Variants in MPO observed in about 807,000 individuals in gnomAD.
MPO encodes myeloperoxidase.
MPO carries 57 observed loss-of-function variants against 69.4 expected under a neutral mutation model. That is an observed-to-expected ratio of 0.82 (90% confidence interval 0.66 to 1.02). The LOEUF is 1.02. Ranked by LOEUF, MPO falls within the 50% of genes least tolerant of loss-of-function variation. MPO has a pLI of 0.00. For synonymous variants in MPO, 426 were observed against 417.1 expected (o/e 1.02, Z -0.26); for missense variants, 971 against 1,014.1 (o/e 0.96, Z 0.58).
rs759993953 is a variant in MPO at position 58,279,423 on chromosome 17, G to A, written c.552C>T (p.Arg184=). The A allele has an allele frequency of 1.2e-6, 2 of 1,610,396 alleles. No individual in the cohort carries two copies. The highest frequency in any genetic ancestry group is 1.1e-5 in the South Asian group (1 of 90,550). ...RTITGMCNNR[R]SPTLGASNRA... ...GGTTGGAGGCCCCCAGCGTGGGGCT[G>A]CGTCTGCAGGGGAGGACAGGGCGCT... Residue 184 remains arginine, a synonymous_variant, in exon 5 of 12, where the codon CGC becomes CGT. Coordinates refer to ENST00000225275, the MANE Select transcript of MPO (RefSeq NM_000250.2).
chr17:58,274,157 G>A, intron 8 of MPO: 1 of 496,466 alleles, frequency 2.0e-6, no homozygotes, highest in Non-Finnish European at 4.0e-6. Flanking sequence ...GTGGAAAGCA[G>A]GGAGGCAGGA....
At chr17:58,280,544 A>T in intron 1 of MPO, 61 bp downstream of exon 1, 1 of 1,613,854 alleles carries the variant, frequency 6.2e-7, no homozygotes. Flanking sequence ...CTCTGAGAAA[A>T]GGGGTCTCTG....
chr17:58,277,940 G>A lies in MPO; in HGVS notation c.1091C>T (p.Ala364Val), dbSNP rs370731850. Residue 364 changes from alanine (A) to valine (V), a missense_variant, in exon 7 of 12, where the codon GCC becomes GTC. By Grantham distance (64) the Ala-to-Val change is moderately conservative. Coordinates refer to ENST00000225275, the MANE Select transcript of MPO (RefSeq NM_000250.2). ...RNMSNQLGLL[A>V]VNQRFQDNGR... ...GTTGTCTTGGAAGCGCTGGTTGACG[G>A]CCAGCAGCCCCAGCTGGTTGGACAT... 6.2e-7 allele frequency: 1 copy of A among 1,613,100 alleles called. No homozygotes were observed.
intron 2 of MPO, 103 bp from the exon 3 acceptor site, chr17:58,280,117 C>T (rs1484893115): frequency 4.7e-6 from 7 of 1,476,000 alleles, no homozygotes; most frequent in African/African-American, 1.4e-5. Context: ...GGCAGGCCCA[C>T]GGGTGGGAGG....
chr17:58,278,144 A>C lies in MPO; in HGVS notation c.887T>G (p.Ile296Ser). 1.9e-6 allele frequency: 3 copies of C among 1,600,642 alleles called. No homozygotes were observed. Among genetic ancestry groups the C allele is most frequent in the Non-Finnish European group, 2.5e-6 (3 of 1,179,896 alleles). The change falls in exon 7 of 12, where the codon ATC (isoleucine) becomes AGC (serine). Residue 296 changes from isoleucine (I) to serine (S), a missense_variant and splice_region_variant. Transcript: ENST00000225275. ...VQQPPCFPLK[I>S]PPNDPRIKNQ... ...CTTGATGCGGGGGTCATTGGGCGGG[A>C]TCTGAGGCACAGAGAGAGGCTAGAC... is the stretch of plus-strand genomic sequence containing the variant.
intron 8 of MPO, 39 bp from the exon 9 acceptor site, chr17:58,273,708 C>T (rs752952392): frequency 6.2e-7 from 1 of 1,613,990 alleles, no homozygotes; most frequent in Non-Finnish European, 8.5e-7. Context: ...TCCACCCACT[C>T]CTCCACAGCA....
rs1437169502 is a variant in MPO, at chr17:58,270,939, TC to T, written c.2031-77del. ...CAGGGCATCGATGGGCTTGTGCTGC[TC>T]CCAGGATATAACAAAGCCACAACAA... On this transcript the variant is annotated intron_variant, in intron 11 of 11. Coordinates refer to ENST00000225275, the MANE Select transcript of MPO (RefSeq NM_000250.2). This position sits in a 1 kb window ranked among gnomAD's most constrained non-coding sequence, Gnocchi z 4.1. The T allele has an allele frequency of 3.9e-6, 6 of 1,529,272 alleles. No individual in the cohort carries two copies. The highest frequency in any genetic ancestry group is 5.4e-6 in the Non-Finnish European group (6 of 1,107,832). The allele number at this position is 1,529,272 out of a possible 1,614,324, so 94.7% of individuals were successfully genotyped here.
chr17:58,277,554 G>A (rs1408895820), intron 7 of MPO, among the ~76,000 whole-genome samples: 1 of 152,194 alleles, frequency 6.6e-6, no homozygotes, highest in Non-Finnish European at 1.5e-5. Flanking sequence ...AGGGAAAAAA[G>A]GGACAGAGAA....
chr17:58,278,155 A>G lies in MPO; in HGVS notation c.886-10T>C. 6.2e-7 allele frequency: 1 copy of G among 1,600,206 alleles called. No individual in the cohort carries two copies. The highest frequency in any genetic ancestry group is 8.5e-7 in the Non-Finnish European group (1 of 1,179,860). On this transcript the variant is annotated splice_polypyrimidine_tract_variant and intron_variant, in intron 6 of 11. Coordinates refer to ENST00000225275, the MANE Select transcript of MPO (RefSeq NM_000250.2). ...GGTCATTGGGCGGGATCTGAGGCAC[A>G]GAGAGAGGCTAGACTGGCTCACCGA...
In MPO at chr17:58,270,903, TTC is replaced by T; in HGVS notation, c.2031-42_2031-41del. The T allele has an allele frequency of 6.2e-7, 1 of 1,607,158 alleles. No individual in the cohort carries two copies. Among genetic ancestry groups the T allele is most frequent in the Non-Finnish European group, 8.5e-7 (1 of 1,175,352 alleles). ...CCCATGGACACTGTGCCCAAGGATA[TTC>T]TGGGCTGGCAGGGCATCGATGGGCT... On this transcript the variant is annotated intron_variant, in intron 11 of 11. Transcript: ENST00000225275. This position sits in a 1 kb window ranked among gnomAD's most constrained non-coding sequence, Gnocchi z 4.1.
At chr17:58,276,383 T>C (rs1800479503) in intron 7 of MPO, among the ~76,000 whole-genome samples, 1 of 151,944 alleles carries the variant, frequency 6.6e-6, no homozygotes, top group Non-Finnish European at 1.5e-5. Flanking sequence ...ATATGTGGAG[T>C]CCACACCTGA....
In MPO at chr17:58,275,494, G is replaced by T. The variant is rs775674004; in HGVS notation, c.1365+48C>A. On this transcript the variant is annotated intron_variant, in intron 8 of 11. Coordinates refer to ENST00000225275, the MANE Select transcript of MPO (RefSeq NM_000250.2). This position sits in a 1 kb window ranked among gnomAD's most constrained non-coding sequence, Gnocchi z 4.1. The stretch of plus-strand genomic sequence containing the variant: ...CCCAAGGTCACACAGCTAGGATGTT[G>T]CAGGGACACATCTGGATCCCGTGTG... 1.9e-5 allele frequency: 31 copies of T among 1,611,694 alleles called. No homozygotes were observed. The highest frequency in any genetic ancestry group is 4.0e-5 in the African/African-American group (3 of 74,888).
In MPO at chr17:58,277,808, T is replaced by A. The variant is rs1228663019; in HGVS notation, c.1204+19A>T. 1 of 1,599,468 alleles carries A rather than the reference T, an allele frequency of 6.3e-7. No homozygotes were observed. Among genetic ancestry groups the A allele is most frequent in the African/African-American group, 1.3e-5 (1 of 74,902 alleles). ...GGAACATCTCCTATGCCACCTCTGG[T>A]CCCCACCCCAAAGCTGACCTGCCAG... On this transcript the variant is annotated intron_variant, in intron 7 of 11. Coordinates refer to ENST00000225275, the MANE Select transcript of MPO (RefSeq NM_000250.2).
intron 7 of MPO, among the ~76,000 whole-genome samples, chr17:58,276,352 G>T (rs1220377105): frequency 6.6e-6 from 1 of 152,194 alleles, no homozygotes; most frequent in Non-Finnish European, 1.5e-5. Flanking sequence ...CCTGCCCCAG[G>T]GGAGAGGGCT....
At chr17:58,272,301 C>T (rs887669823) in intron 10 of MPO, among the ~76,000 whole-genome samples, 10 of 152,200 alleles carry the variant, frequency 6.6e-5, no homozygotes, top group African/African-American at 2.4e-4. Context: ...TAGGCACAGG[C>T]TTTGAGGTTA....
Position 58,279,366 on chromosome 17 carries a change from A to G in MPO, c.609T>C (p.Tyr203=), listed in dbSNP as rs376919235. 6.9e-6 allele frequency: 11 copies of G among 1,594,854 alleles called. No individual in the cohort carries two copies. Among genetic ancestry groups the G allele is most frequent in the Non-Finnish European group, 9.4e-6 (11 of 1,170,908 alleles). The change falls in exon 5 of 12, where the codon TAT becomes TAC. Residue 203 remains tyrosine (Y), a synonymous_variant. Coordinates refer to ENST00000225275, the MANE Select transcript of MPO (RefSeq NM_000250.2). ...CGTAGGGAAGAGAGAAGCCGTCCTC[A>G]TACTCCGCCGGCAGCCAGCGCACAA... is the stretch of plus-strand genomic sequence containing the variant. ...RAFVRWLPAE[Y]EDGFSLPYGW...
Position 58,272,762 on chromosome 17 carries a change from T to C in MPO, c.1778A>G (p.Asp593Gly). 1 of 1,613,974 alleles carries C rather than the reference T, an allele frequency of 6.2e-7. No homozygotes were observed. The highest frequency in any genetic ancestry group is 8.5e-7 in the Non-Finnish European group (1 of 1,179,984). ...CAGCCCCTCACCTGGGAGGCCGTGG[T>C]CCCTGCTGCGCTGCATGTTCAGAGC... ...LPALNMQRSR[D>G]HGLPGYNAWR... Residue 593 changes from aspartate (D) to glycine (G), a missense_variant, in exon 10 of 12, where the codon GAC (aspartate) becomes GGC (glycine). By Grantham distance (94) the Asp-to-Gly change is moderately conservative. Coordinates refer to ENST00000225275, the MANE Select transcript of MPO (RefSeq NM_000250.2).
At chr17:58,278,963 A>G in intron 6 of MPO, 45 bp downstream of exon 6, 1 of 1,563,226 alleles carries the variant, frequency 6.4e-7, no homozygotes, top group South Asian at 1.2e-5. Context: ...TCCAGAAACA[A>G]TCTCCCCTCT....
chr17:58,272,424 A>C (rs1229782537), intron 10 of MPO, among the ~76,000 whole-genome samples: 1 of 152,174 alleles, frequency 6.6e-6, no homozygotes, highest in Non-Finnish European at 1.5e-5. Context: ...AGGCAATAAT[A>C]ATCTCTTCCC....
Sources: gnomAD v4.1 joint callset for allele counts (sites outside exome capture counted in the v4.1 genomes callset) on GRCh38, gnomAD v4.1.1 for gene constraint, Gnocchi (gnomAD v3.1) non-coding constraint, MANE v1.5 for transcripts, NCBI Gene and HGNC (gene_info 2026-07-23, HGNC 2026-07-21) for gene names.